SIK2: variants seen among roughly 807,000 people sequenced by gnomAD.
The protein encoded by SIK2 is serine/threonine-protein kinase SIK2.
SIK2 carries 29 observed loss-of-function variants against 103.2 expected under a neutral mutation model. The observed-to-expected ratio is 0.28, with a 90% CI of 0.21 to 0.38. SIK2 has a LOEUF of 0.38. SIK2 is among the 10% of genes least tolerant of loss of function. The pLI is 1.00. For missense variants in SIK2, 879 were observed against 1,171.0 expected (o/e 0.75, Z 3.64); for synonymous variants, 412 against 446.1 (o/e 0.92, Z 0.96).
rs113216006 is a variant in SIK2, at chr11:111,660,985, C to T, written c.317-27016C>T. Among the ~76,000 whole-genome samples the T allele has an allele frequency of 6.5e-3, 988 of 152,012 alleles. 10 individuals carry two copies. The highest frequency in any genetic ancestry group is 0.022 in the African/African-American group (922 of 41,440). The stretch of plus-strand genomic sequence containing the variant: ...GAGTAGCTGGGATTAAGGCACACAC[C>T]ACCGTACCCAGCTGAGCTGTGTTAT... On this transcript the variant is annotated intron_variant, in intron 3 of 14. Transcript: ENST00000304987.
At chr11:111,673,567 TGTC>T (rs1942657527) in intron 3 of SIK2, among the ~76,000 whole-genome samples, 1 of 152,198 alleles carries the variant, frequency 6.6e-6, no homozygotes. Flanking sequence ...CTTAGGATGT[TGTC>T]CTTTCAGCCT....
rs1795154498 is a variant in SIK2 at position 111,726,094 on chromosome 11, A to T, written c.*1965A>T. 6.6e-6 allele frequency: 1 copy of T among 152,236 alleles called. No homozygotes were observed. The highest frequency in any genetic ancestry group is 6.5e-5 in the Admixed American group (1 of 15,286). The allele number at this position is 152,236 out of a possible 1,614,324, so 9.4% of individuals were successfully genotyped here. ...GATCTCTAATCTGTTTTGAGTCTTT[A>T]CAAAATAGCCAGTTATAAAATGGGG... On this transcript the variant is annotated 3_prime_UTR_variant, in exon 15 of 15. Coordinates refer to ENST00000304987, the MANE Select transcript of SIK2 (RefSeq NM_015191.3).
At chr11:111,691,368 C>G (rs1942938177) in intron 4 of SIK2, among the ~76,000 whole-genome samples, 1 of 152,180 alleles carries the variant, frequency 6.6e-6, no homozygotes, top group Admixed American at 6.5e-5. Flanking sequence ...TAGATACTTA[C>G]TTCATCTTCA....
chr11:111,606,600 A>G (rs1432137012), intron 1 of SIK2, among the ~76,000 whole-genome samples: 2 of 152,104 alleles, frequency 1.3e-5, no homozygotes, highest in African/African-American at 2.4e-5. Context: ...CTTATTAATG[A>G]ATATTATGCA....
chr11:111,651,386 A>G (rs1256693358), intron 3 of SIK2, among the ~76,000 whole-genome samples: 1 of 152,192 alleles, frequency 6.6e-6, no homozygotes, highest in Non-Finnish European at 1.5e-5. Flanking sequence ...TTGCAGGGAC[A>G]TGGGTGAAGC....
chr11:111,643,059 T>C (rs1942206061), intron 3 of SIK2, among the ~76,000 whole-genome samples: 1 of 152,202 alleles, frequency 6.6e-6, no homozygotes, highest in Non-Finnish European at 1.5e-5. Flanking sequence ...AAAGAGGCCT[T>C]TCTTTCATTC....
chr11:111,681,512 T>C (rs533799739), intron 3 of SIK2, among the ~76,000 whole-genome samples: 36 of 152,330 alleles, frequency 2.4e-4, no homozygotes, highest in South Asian at 6.2e-4. Flanking sequence ...GGTCTCAGAC[T>C]CCTTTGTAGT....
At chr11:111,709,787 G>A (rs1347245494) in intron 8 of SIK2, among the ~76,000 whole-genome samples, 2 of 152,166 alleles carry the variant, frequency 1.3e-5, no homozygotes, top group Admixed American at 6.5e-5. Flanking sequence ...AACAAAAAGC[G>A]TTATTCCTTG....
At position 111,725,283 on chromosome 11, in the gene SIK2, A is replaced by C. The variant is rs2135984585; in HGVS notation, c.*1154A>C. ...AGAGTTTGTTTTCCACCATGTGGGA[A>C]TCAGCATTCTTAATTTCGTTAAAGT... On this transcript the variant is annotated 3_prime_UTR_variant, in exon 15 of 15. Coordinates refer to ENST00000304987, the MANE Select transcript of SIK2 (RefSeq NM_015191.3). 6.5e-6 allele frequency: 1 copy of C among 152,786 alleles called. No homozygotes were observed. The allele number at this position is 152,786 out of a possible 1,614,324, so 9.5% of individuals were successfully genotyped here.
intron 3 of SIK2, among the ~76,000 whole-genome samples, chr11:111,624,163 A>G (rs1941930511): frequency 6.6e-6 from 1 of 152,258 alleles, no homozygotes; most frequent in African/African-American, 2.4e-5. Context: ...AATTTAAGGT[A>G]TTTTAAAGAG....
chr11:111,628,791 C>G (rs1941999751), intron 3 of SIK2, among the ~76,000 whole-genome samples: 1 of 152,060 alleles, frequency 6.6e-6, no homozygotes, highest in African/African-American at 2.4e-5. Context: ...TGTGCTTGTA[C>G]TGGTATTTCT....
At chr11:111,676,361 A>C (rs1942703356) in intron 3 of SIK2, among the ~76,000 whole-genome samples, 1 of 152,314 alleles carries the variant, frequency 6.6e-6, no homozygotes, top group Admixed American at 6.5e-5. Flanking sequence ...CAGCTGAACT[A>C]GTTTTTATTC....
intron 3 of SIK2, among the ~76,000 whole-genome samples, 196 bp from the exon 4 acceptor site, chr11:111,687,805 C>T (rs537755006): frequency 9.2e-5 from 14 of 151,972 alleles, no homozygotes; most frequent in African/African-American, 2.9e-4. Context: ...CGGGGTTTCA[C>T]CGTGTTAGCC....
chr11:111,604,953 C>G (rs939122827), intron 1 of SIK2, among the ~76,000 whole-genome samples: 3 of 115,760 alleles, frequency 2.6e-5, no homozygotes, highest in African/African-American at 5.8e-5. Context: ...TAAAGTTGCT[C>G]TGAATTTTTT....
chr11:111,639,251 CT>C (rs1460257479), intron 3 of SIK2, among the ~76,000 whole-genome samples: 1 of 151,984 alleles, frequency 6.6e-6, no homozygotes, highest in Non-Finnish European at 1.5e-5. Context: ...CTAGCAAAGA[CT>C]TAATAGCAGA....
chr11:111,695,383 T>C (rs770899028), intron 4 of SIK2, among the ~76,000 whole-genome samples: 4 of 152,198 alleles, frequency 2.6e-5, no homozygotes, highest in Non-Finnish European at 5.9e-5. Context: ...AGCTTGAAGA[T>C]TGGTTTTCAA....
At position 111,701,412 on chromosome 11, in the gene SIK2, G is replaced by A. The variant is rs188366569; in HGVS notation, c.604-40G>A. 14 of 1,596,980 alleles carry A rather than the reference G, an allele frequency of 8.8e-6. No homozygotes were observed. In the Admixed American group the frequency reaches 1.0e-4, roughly 12 times the overall value. ...TTCAGGAAAACAAAGAGTGTTTGAC[G>A]TTCTTGGTAGAAAAGTCTCTGCATT... On this transcript the variant is annotated intron_variant, in intron 5 of 14. Coordinates refer to ENST00000304987, the MANE Select transcript of SIK2 (RefSeq NM_015191.3). This position sits in a 1 kb window ranked among gnomAD's most constrained non-coding sequence, Gnocchi z 4.2.
chr11:111,637,024 G>A (rs1470529508), intron 3 of SIK2, among the ~76,000 whole-genome samples: 1 of 152,062 alleles, frequency 6.6e-6, no homozygotes, highest in Non-Finnish European at 1.5e-5. Context: ...TTATTTAGTA[G>A]ATGATTTATT....
Position 111,722,747 on chromosome 11 carries a change from A to G in SIK2, c.2138A>G (p.Gln713Arg). The G allele has an allele frequency of 6.2e-7, 1 of 1,614,060 alleles. No homozygotes were observed. Among genetic ancestry groups the G allele is most frequent in the Non-Finnish European group, 8.5e-7 (1 of 1,179,944 alleles). ...EPPRSLEQQL[Q>R]EHRLQQKRLF... is the part of the protein sequence containing the mutation. ...CCGCGGAGCCTTGAGCAGCAGCTGC[A>G]GGAACATAGGTGAGAAGGGGACTTT... Residue 713 changes from glutamine to arginine, a missense_variant, in exon 14 of 15, where the codon CAG becomes CGG. Physicochemically the swap from Gln to Arg is conservative, Grantham distance 43. Around this residue, in one of 7 missense-constraint regions of SIK2, gnomAD observed 375 missense variants for 416.3 expected, o/e 0.90. Coordinates refer to ENST00000304987, the MANE Select transcript of SIK2 (RefSeq NM_015191.3). The surrounding 1 kb of genome is among the most constrained non-coding windows in gnomAD (Gnocchi z 4.4).
Sources: gnomAD v4.1 joint callset for allele counts (sites outside exome capture counted in the v4.1 genomes callset) on GRCh38, gnomAD v4.1.1 for gene constraint, gnomAD v4.1.1 regional missense constraint, Gnocchi (gnomAD v3.1) non-coding constraint, MANE v1.5 for transcripts, NCBI Gene and HGNC (gene_info 2026-07-23, HGNC 2026-07-21) for gene names.